SNED1: variants seen among roughly 807,000 people sequenced by gnomAD.
The protein encoded by SNED1 is sushi, nidogen and EGF like domains 1.
SNED1 carries 81 observed loss-of-function variants against 166.7 expected under a neutral mutation model. The ratio of observed to expected loss-of-function variants is 0.49; its 90% CI spans 0.41 to 0.58. SNED1 has a LOEUF of 0.58. Ranked by LOEUF, SNED1 falls within the 20% of genes least tolerant of loss-of-function variation. The probability of loss-of-function intolerance (pLI) is 0.00; values close to 1 mark genes in which losing one functional copy is unlikely to be tolerated. For missense variants in SNED1, 1,604 were observed against 2,000.2 expected, an observed-to-expected ratio of 0.80 and a Z score of 3.78; for synonymous variants, 762 against 822.0, an observed-to-expected ratio of 0.93 and a Z score of 1.25.
intron 24 of SNED1, among the ~76,000 whole-genome samples, chr2:241,071,146 C>G (rs552414732): frequency 6.6e-6 from 1 of 152,184 alleles, no homozygotes; most frequent in Admixed American, 6.5e-5. Flanking sequence ...GATGCACCCT[C>G]ACTCTCAGGG....
At chr2:241,088,242 C>T in intron 30 of SNED1, 123 bp from the exon 31 acceptor site, 1 of 740,894 alleles carries the variant, frequency 1.3e-6, no homozygotes, top group African/African-American at 1.7e-5. Flanking sequence ...AATGGTGTCC[C>T]CCACCGTGGA....
In SNED1 at chr2:241,024,235, C is replaced by CTTTTTTTT. The variant is rs10664618; in HGVS notation, c.214-6027_214-6020dup. ...GTGTAGTTGTATTTCACTCTACTAC[C>CTTTTTTTT]TTTTTTTTTTTTTTTTTTTTTTTTT... is the stretch of plus-strand genomic sequence containing the variant. On this transcript the variant is annotated intron_variant, in intron 1 of 31. Transcript: ENST00000310397. 4.0e-4 allele frequency among the ~76,000 whole-genome samples: 19 copies of CTTTTTTTT among 46,940 alleles called. 5 individuals are homozygous for CTTTTTTTT. Among genetic ancestry groups the CTTTTTTTT allele is most frequent in the African/African-American group, 1.3e-3 (16 of 11,926 alleles). 30.8% of individuals were successfully genotyped at this position (46,940 alleles called of 152,430 possible). A position where few individuals can be genotyped will look rare whatever the true frequency, so the allele number is the denominator to read the frequency against.
chr2:241,050,006 CTGCTGT>C, intron 12 of SNED1, 73 bp downstream of exon 12: 1 of 1,074,426 alleles, frequency 9.3e-7, no homozygotes, highest in African/African-American at 1.5e-5. Context: ...TCCTGCTTCT[CTGCTGT>C]CTCTCTCCTT....
chr2:241,088,523 G>C (rs184632336), intron 31 of SNED1, 121 bp downstream of exon 31: 3 of 801,550 alleles, frequency 3.7e-6, no homozygotes, highest in African/African-American at 1.7e-5. Context: ...AAGGAAGCGC[G>C]GTCCTGTGCT....
Position 241,033,735 on chromosome 2 carries a change from G to A in SNED1, c.502G>A (p.Val168Ile). The A allele has an allele frequency of 6.2e-7, 1 of 1,611,174 alleles. No homozygotes were observed. Among genetic ancestry groups the A allele is most frequent in the Non-Finnish European group, 8.5e-7 (1 of 1,179,234 alleles). ...CTGTTCAGCCCCCTCTCCCCGGCAG[G>A]TCAACACATTCCAGACTGTGCTCAT... ...TFFGGSSSSP[V>I]NTFQTVLITD... is the part of the protein sequence containing the mutation. The change falls in exon 3 of 32, where the codon GTC becomes ATC. Residue 168 changes from valine (V) to isoleucine (I), a missense_variant and splice_region_variant. This residue lies in a region of SNED1 where 1,237 missense variants were observed against 1,620.8 expected (regional missense o/e 0.76). Transcript: ENST00000310397.
In SNED1 at chr2:241,019,963, C is replaced by T. The variant is rs947032257; in HGVS notation, c.214-10321C>T. On this transcript the variant is annotated intron_variant, in intron 1 of 31. Transcript: ENST00000310397. ...CGTAGACAGTAAGTACGTGAGTGTG[C>T]TCAGCCGTGCTCCCACAAACCCTGT... 3.3e-5 allele frequency among the ~76,000 whole-genome samples: 5 copies of T among 152,314 alleles called. No homozygotes were observed. In the South Asian group the frequency reaches 8.3e-4, roughly 25 times the overall value.
chr2:241,029,521 C>T (rs1414759524), intron 1 of SNED1, among the ~76,000 whole-genome samples: 1 of 152,202 alleles, frequency 6.6e-6, no homozygotes, highest in Non-Finnish European at 1.5e-5. Context: ...TGTGGGAGTT[C>T]GGATCTCAAC....
intron 1 of SNED1, among the ~76,000 whole-genome samples, chr2:241,012,717 A>G (rs1436295347): frequency 6.6e-6 from 1 of 152,138 alleles, no homozygotes; most frequent in Non-Finnish European, 1.5e-5. Context: ...GAATCTATAC[A>G]TCCATCACCA....
At chr2:241,028,086 G>A (rs957205510) in intron 1 of SNED1, among the ~76,000 whole-genome samples, 4 of 152,112 alleles carry the variant, frequency 2.6e-5, no homozygotes, top group African/African-American at 9.7e-5. Flanking sequence ...GTGCTCATTG[G>A]TTCTTTGGAG....
Position 241,060,877 on chromosome 2 carries a change from C to A in SNED1, c.2258-1914C>A, listed in dbSNP as rs1005658458. ...AACCGGAGTTCAAAGCTGCAGTGAACTGTGATTGCACCGCTGCATTCCAGC... is the reference window on the plus strand; with the variant it reads ...AACCGGAGTTCAAAGCTGCAGTGAAATGTGATTGCACCGCTGCATTCCAGC... On this transcript the variant is annotated intron_variant, in intron 16 of 31. Transcript: ENST00000310397. Among the ~76,000 whole-genome samples, 6 of 152,082 alleles carry A rather than the reference C, an allele frequency of 3.9e-5. No individual in the cohort carries two copies. The South Asian group carries it at 6.2e-4, about 16-fold the overall frequency.
rs1183613570 is a variant in SNED1 at position 240,999,446 on chromosome 2, G to A, written c.213+396G>A. Among the ~76,000 whole-genome samples, 3 of 152,318 alleles carry A rather than the reference G, an allele frequency of 2.0e-5. No individual in the cohort carries two copies. The highest frequency in any genetic ancestry group is 3.9e-4 in the East Asian group (2 of 5,184). ...GCCTCAGTTTCCCAAGTGGGGCGCCGGGCCTGCGAAGGTTGCAGCCCCTCC... is the reference window on the plus strand; with the variant it reads ...GCCTCAGTTTCCCAAGTGGGGCGCCAGGCCTGCGAAGGTTGCAGCCCCTCC... On this transcript the variant is annotated intron_variant, in intron 1 of 31. Coordinates refer to ENST00000310397, the MANE Select transcript of SNED1 (RefSeq NM_001080437.3). The surrounding 1 kb of genome is among the most constrained non-coding windows in gnomAD (Gnocchi z 5.8).
At chr2:241,032,471 C>G (rs2061210424) in intron 2 of SNED1, among the ~76,000 whole-genome samples, 1 of 146,942 alleles carries the variant, frequency 6.8e-6, no homozygotes, top group Non-Finnish European at 1.5e-5. Context: ...ACATCACACA[C>G]CAGGGCCTGT....
intron 21 of SNED1, among the ~76,000 whole-genome samples, chr2:241,066,763 C>T (rs1386099656): frequency 2.0e-5 from 3 of 152,130 alleles, no homozygotes; most frequent in Non-Finnish European, 4.4e-5. Context: ...CGGCGGTTCT[C>T]ACAGGAGGAA....
intron 16 of SNED1, among the ~76,000 whole-genome samples, chr2:241,061,848 TC>T (rs200595022): frequency 2.7e-5 from 3 of 110,106 alleles, no homozygotes; most frequent in African/African-American, 1.1e-4. Flanking sequence ...CGAAACTCCA[TC>T]CCCCCAAAAA....
intron 5 of SNED1, 22 bp from the exon 6 acceptor site, chr2:241,037,218 C>G (rs766890765): frequency 6.3e-7 from 1 of 1,584,104 alleles, no homozygotes; most frequent in African/African-American, 1.3e-5. Context: ...CCGCTGAGGC[C>G]TCAGCCTGCC....
At chr2:241,090,177 T>C (rs1226822961) in intron 31 of SNED1, 8 of 1,462,224 alleles carry the variant, frequency 5.5e-6, no homozygotes, top group Non-Finnish European at 9.1e-7. Context: ...TTGTTTTCTG[T>C]CCTTAGTGCT....
At position 241,065,424 on chromosome 2, in the gene SNED1, T is replaced by C; in HGVS notation, c.2839T>C (p.Ser947Pro). The C allele has an allele frequency of 6.2e-7, 1 of 1,613,014 alleles. No homozygotes were observed. Residue 947 changes from serine to proline, a missense_variant, in exon 21 of 32, where the codon TCC becomes CCC. Around this residue, in one of 2 missense-constraint regions of SNED1, gnomAD observed 1,237 missense variants for 1,620.8 expected, o/e 0.76. Coordinates refer to ENST00000310397, the MANE Select transcript of SNED1 (RefSeq NM_001080437.3). Reference protein sequence around the residue: ...MLDGYAVTYVSSDGSYRRTDF... With the variant: ...MLDGYAVTYVPSDGSYRRTDF... ...TGATGGCTACGCGGTCACCTACGTC[T>C]CCTCCGACGGCTCCTACCGCCGCAC...
At chr2:241,055,197 G>A (rs1365800593) in intron 16 of SNED1, among the ~76,000 whole-genome samples, 1 of 152,092 alleles carries the variant, frequency 6.6e-6, no homozygotes. Flanking sequence ...CCAAGAAGAA[G>A]AGAAAATGAA....
intron 16 of SNED1, 93 bp downstream of exon 16, chr2:241,053,419 C>G: frequency 7.5e-7 from 1 of 1,325,796 alleles, no homozygotes; most frequent in South Asian, 1.4e-5. Flanking sequence ...AGGCCCAAGC[C>G]TGGATGCCCA....
Sources: allele counts gnomAD v4.1 joint callset (sites outside exome capture counted in the v4.1 genomes callset), GRCh38; gene constraint gnomAD v4.1.1; regional missense constraint gnomAD v4.1.1; non-coding constraint Gnocchi (gnomAD v3.1); transcripts MANE v1.5; gene names NCBI Gene and HGNC (gene_info 2026-07-23, HGNC 2026-07-21).